TBC1D5: variants seen among roughly 807,000 people sequenced by gnomAD.
TBC1D5 encodes TBC1 domain family, member 5.
In TBC1D5, 75 loss-of-function variants were observed where a neutral mutation model predicts 100.3. That is an observed-to-expected ratio of 0.75 (90% CI 0.62 to 0.91). TBC1D5 has a LOEUF of 0.91. Among genes scored for constraint, TBC1D5 ranks in the 40% least tolerant of loss-of-function variants. The pLI is 0.00. For synonymous variants in TBC1D5, 323 were observed against 325.6 expected, an observed-to-expected ratio of 0.99 and a Z score of 0.09; for missense variants, 910 against 942.4, an observed-to-expected ratio of 0.97 and a Z score of 0.45.
chr3:17,645,578 C>T (rs1046974518), intron 1 of TBC1D5, among the ~76,000 whole-genome samples: 3 of 152,076 alleles, frequency 2.0e-5, no homozygotes, highest in Non-Finnish European at 2.9e-5. Flanking sequence ...ATGAAAGCAT[C>T]CATTTCAACA....
intron 16 of TBC1D5, among the ~76,000 whole-genome samples, chr3:17,257,248 T>A (rs555483856): frequency 6.6e-5 from 10 of 152,184 alleles, no homozygotes; most frequent in Non-Finnish European, 1.3e-4. Flanking sequence ...AAGACTAACA[T>A]ACTTTGTTCT....
chr3:17,332,005 G>A (rs73145819), intron 13 of TBC1D5, among the ~76,000 whole-genome samples: 9,241 of 152,242 alleles, frequency 0.061, 545 homozygotes, highest in African/African-American at 0.15. Context: ...GCTCTTGGAG[G>A]GTTTGAGCAA....
chr3:17,695,012 G>T (rs573790957), intron 1 of TBC1D5, among the ~76,000 whole-genome samples: 68 of 152,178 alleles, frequency 4.5e-4, no homozygotes, highest in African/African-American at 1.5e-3. Flanking sequence ...CATAAATAAA[G>T]GAGAAATAAA....
chr3:17,589,296 A>G (rs2096751711), intron 2 of TBC1D5, among the ~76,000 whole-genome samples: 1 of 152,212 alleles, frequency 6.6e-6, no homozygotes, highest in Non-Finnish European at 1.5e-5. Context: ...TTCTCAAACA[A>G]CAATGCTTAA....
chr3:17,450,699 G>T (rs2094905472), intron 3 of TBC1D5, among the ~76,000 whole-genome samples: 1 of 152,146 alleles, frequency 6.6e-6, no homozygotes, highest in Admixed American at 6.5e-5. Flanking sequence ...AGAATGAAAA[G>T]GAATGAACAA....
At chr3:17,479,972 G>T (rs1479779787) in intron 3 of TBC1D5, among the ~76,000 whole-genome samples, 1 of 152,216 alleles carries the variant, frequency 6.6e-6, no homozygotes, top group African/African-American at 2.4e-5. Context: ...TGCTCTTGGG[G>T]TCCCAGGAAG....
intron 15 of TBC1D5, among the ~76,000 whole-genome samples, chr3:17,266,616 T>C (rs1479936827): frequency 1.3e-5 from 2 of 152,162 alleles, no homozygotes; most frequent in Non-Finnish European, 2.9e-5. Flanking sequence ...AACCTAGTTT[T>C]TGTTTTAAAT....
At chr3:17,690,852 C>T (rs2071048950) in intron 1 of TBC1D5, among the ~76,000 whole-genome samples, 1 of 152,148 alleles carries the variant, frequency 6.6e-6, no homozygotes, top group South Asian at 2.1e-4. Context: ...GGGGGGACTG[C>T]TGCTTTATAA....
chr3:17,252,363 C>A (rs777738576), intron 16 of TBC1D5, among the ~76,000 whole-genome samples: 2 of 152,166 alleles, frequency 1.3e-5, no homozygotes. Flanking sequence ...TGCTAACTAT[C>A]CCAGTTTTCC....
intron 3 of TBC1D5, among the ~76,000 whole-genome samples, chr3:17,496,325 C>T (rs1298127926): frequency 6.6e-6 from 1 of 152,110 alleles, no homozygotes; most frequent in African/African-American, 2.4e-5. Context: ...AATTGAAGAG[C>T]ATTAAACACA....
At chr3:17,278,378 A>G (rs1575099243) in intron 15 of TBC1D5, among the ~76,000 whole-genome samples, 1 of 152,196 alleles carries the variant, frequency 6.6e-6, no homozygotes, top group Admixed American at 6.5e-5. Flanking sequence ...GGGGACTGGC[A>G]CCTCGATATG....
intron 2 of TBC1D5, among the ~76,000 whole-genome samples, chr3:17,574,597 TG>T: frequency 6.6e-6 from 1 of 152,134 alleles, no homozygotes; most frequent in Non-Finnish European, 1.5e-5. Flanking sequence ...AGGGCCATGT[TG>T]CTTGTCTCTA....
At chr3:17,654,183 T>C (rs921808906) in intron 1 of TBC1D5, among the ~76,000 whole-genome samples, 12 of 152,324 alleles carry the variant, frequency 7.9e-5, no homozygotes, top group East Asian at 7.7e-4. Flanking sequence ...GTTCCTACTA[T>C]ATTTTAAATT....
chr3:17,416,906 T>C (rs575816719), intron 4 of TBC1D5, among the ~76,000 whole-genome samples: 11 of 152,292 alleles, frequency 7.2e-5, no homozygotes, highest in Non-Finnish European at 1.2e-4. Context: ...TATAATCATA[T>C]TCAGTAACAG....
At chr3:17,195,076 A>G (rs562098127) in intron 18 of TBC1D5, among the ~76,000 whole-genome samples, 1 of 152,230 alleles carries the variant, frequency 6.6e-6, no homozygotes, top group Non-Finnish European at 1.5e-5. Flanking sequence ...CTGCAGTTTA[A>G]AATAATTATA....
chr3:17,176,982 C>A (rs1468740959), intron 19 of TBC1D5, among the ~76,000 whole-genome samples: 1 of 152,204 alleles, frequency 6.6e-6, no homozygotes, highest in Admixed American at 6.5e-5. Context: ...CTGGGGGCCA[C>A]TGTGGTCACC....
At chr3:17,591,262 AAAAACAAAAAC>A (rs1292741470) in intron 2 of TBC1D5, among the ~76,000 whole-genome samples, 2 of 112,798 alleles carry the variant, frequency 1.8e-5, no homozygotes, top group African/African-American at 7.6e-5. Context: ...AAAAAAAAAA[AAAAACAAAAAC>A]CCCAGAGAAT....
chr3:17,285,340 A>C (rs2081070726), intron 15 of TBC1D5, among the ~76,000 whole-genome samples: 1 of 143,640 alleles, frequency 7.0e-6, no homozygotes, highest in Non-Finnish European at 1.5e-5. Context: ...GGCTCACTGC[A>C]AGCTCCGCCT....
intron 1 of TBC1D5, among the ~76,000 whole-genome samples, chr3:17,661,154 A>G (rs2153742884): frequency 6.6e-6 from 1 of 152,334 alleles, no homozygotes; most frequent in Non-Finnish European, 1.5e-5. Flanking sequence ...AATGTTGCAT[A>G]CATTTCCCAA....
Sources: allele counts gnomAD v4.1 joint callset (sites outside exome capture counted in the v4.1 genomes callset), GRCh38; gene constraint gnomAD v4.1.1; transcripts MANE v1.5; gene names NCBI Gene and HGNC (gene_info 2026-07-23, HGNC 2026-07-21).